Variants in C4orf50 observed in about 807,000 individuals in gnomAD.
The protein encoded by C4orf50 is uncharacterized protein C4orf50.
In C4orf50, 80 loss-of-function variants were observed where a neutral mutation model predicts 77.2. The observed-to-expected ratio is 1.04, with a 90% CI of 0.87 to 1.25. The LOEUF is 1.25. Among genes scored for constraint, C4orf50 ranks in the 50% most tolerant of loss-of-function variants. The pLI, the probability that C4orf50 is intolerant of heterozygous loss-of-function variation, is 0.00. For missense variants in C4orf50, 1,257 were observed against 1,152.9 expected (o/e 1.09, Z -1.31); for synonymous variants, 532 against 465.3 (o/e 1.14, Z -1.84).
In C4orf50 at chr4:6,000,961, T is replaced by C. The variant is rs1438132015; in HGVS notation, c.964-6485A>G. ...GTCCCCTCCAAGGGCAACCCATCGG[T>C]AAGTGGCAGGAGAGCCCACCTCCAC... On this transcript the variant is annotated intron_variant, in intron 25 of 33. Coordinates refer to ENST00000531445, the Ensembl canonical transcript of C4orf50. This position sits in a 1 kb window ranked among gnomAD's most constrained non-coding sequence, Gnocchi z 6.0. 6.6e-6 allele frequency among the ~76,000 whole-genome samples: 1 copy of C among 152,064 alleles called. No individual in the cohort carries two copies. The highest frequency in any genetic ancestry group is 6.6e-5 in the Admixed American group (1 of 15,254).
At chr4:6,003,102 C>T (rs576509769) in intron 25 of C4orf50, among the ~76,000 whole-genome samples, 5 of 152,310 alleles carry the variant, frequency 3.3e-5, no homozygotes, top group East Asian at 1.9e-4. Context: ...CCCAGACAGC[C>T]GTCCCCAGAT....
intron 28 of C4orf50, 151 bp downstream of exon 6, chr4:5,988,196 G>A (rs941138167): frequency 9.6e-7 from 1 of 1,036,400 alleles, no homozygotes; most frequent in African/African-American, 1.6e-5. Context: ...GCATTTCTCT[G>A]TTTTCTTTGT....
intron 26 of C4orf50, among the ~76,000 whole-genome samples, chr4:5,993,221 C>T (rs1721392543): frequency 6.6e-6 from 1 of 152,204 alleles, no homozygotes; most frequent in African/African-American, 2.4e-5. Flanking sequence ...CCTTTCTAAG[C>T]CTCAGCATCC....
intron 29 of C4orf50, among the ~76,000 whole-genome samples, chr4:5,976,464 A>G (rs1428732032): frequency 3.2e-5 from 4 of 123,596 alleles, no homozygotes; most frequent in Non-Finnish European, 5.9e-5. Context: ...TCGGAAAAAA[A>G]AAAAAAAAAA....
intron 7 of C4orf50, among the ~76,000 whole-genome samples, chr4:5,951,907 C>T (rs768249505): frequency 2.6e-5 from 4 of 152,154 alleles, no homozygotes; most frequent in Non-Finnish European, 5.9e-5. Flanking sequence ...TCCCTCTCCT[C>T]CTCTGCTCTT....
At chr4:6,001,241 A>G (rs903747645) in intron 25 of C4orf50, among the ~76,000 whole-genome samples, 2 of 152,076 alleles carry the variant, frequency 1.3e-5, no homozygotes, top group African/African-American at 2.4e-5. Context: ...CTCTGCCCCC[A>G]AGAGTTCAAG....
intron 31 of C4orf50, among the ~76,000 whole-genome samples, chr4:5,968,509 G>C (rs1228850147): frequency 1.3e-5 from 2 of 152,166 alleles, no homozygotes; most frequent in African/African-American, 4.8e-5. Flanking sequence ...GCACTTTGCT[G>C]TCACCCTTTC....
Position 5,919,629 on chromosome 4 carries a change from C to T in C4orf50, c.*2475-21441G>A, listed in dbSNP as rs1002019794. On this transcript the variant is annotated intron_variant, in intron 7 of 7. Transcript: ENST00000324058. The surrounding 1 kb of genome is among the most constrained non-coding windows in gnomAD (Gnocchi z 6.5). ...AACCACCCTGACCCCAAGGCATTAA[C>T]CCCAGGTCAGCAAACGCCACACTGA... Among the ~76,000 whole-genome samples, 3 of 152,182 alleles carry T rather than the reference C, an allele frequency of 2.0e-5. No homozygotes were observed. The highest frequency in any genetic ancestry group is 7.2e-5 in the African/African-American group (3 of 41,444).
At chr4:5,965,068 C>G (rs767254847) in exon 33 of C4orf50, 1 of 1,613,630 alleles carries the variant, frequency 6.2e-7, no homozygotes, top group Non-Finnish European at 8.5e-7. Context: ...CACTCCGGCT[C>G]GGGAATAGGC....
rs1207880236 is a variant in C4orf50, at chr4:5,900,382, T to C, written c.*2475-2194A>G. On this transcript the variant is annotated intron_variant, in intron 7 of 7. Coordinates refer to the C4orf50 transcript ENST00000324058. The surrounding 1 kb of genome is among the most constrained non-coding windows in gnomAD (Gnocchi z 4.3). The stretch of plus-strand genomic sequence containing the variant: ...GGTGCTTGATTTCACACCGAGAAAC[T>C]AGGTAAGGAAGGCTACGGAAGGGTG... 1.3e-5 allele frequency: 2 copies of C among 150,480 alleles called. No individual in the cohort carries two copies. The highest frequency in any genetic ancestry group is 4.9e-5 in the African/African-American group (2 of 40,822). The allele number at this position is 150,480 out of a possible 1,614,324, so 9.3% of individuals were successfully genotyped here.
Position 5,958,198 on chromosome 4 carries a change from C to A in C4orf50, c.*1177G>T, listed in dbSNP as rs17762652. ...AGGGTCTGGTGTGTGTCGTCCAAGC[C>A]CCCTAGACTCTCTTTTTGGGGGGCT... On this transcript the variant is annotated 3_prime_UTR_variant, in exon 34 of 34. Coordinates refer to ENST00000531445, the Ensembl canonical transcript of C4orf50. The surrounding 1 kb of genome is among the most constrained non-coding windows in gnomAD (Gnocchi z 5.4). 6.6e-6 allele frequency: 1 copy of A among 151,870 alleles called. No individual in the cohort carries two copies. Among genetic ancestry groups the A allele is most frequent in the Non-Finnish European group, 1.5e-5 (1 of 68,020 alleles). The allele number at this position is 151,870 out of a possible 1,614,324, so 9.4% of individuals were successfully genotyped here.
At chr4:5,928,123 T>C (rs1717598241) in intron 7 of C4orf50, among the ~76,000 whole-genome samples, 3 of 152,162 alleles carry the variant, frequency 2.0e-5, no homozygotes, top group Admixed American at 6.5e-5. Flanking sequence ...CTATAAAGGG[T>C]AAATGTTCAT....
intron 7 of C4orf50, among the ~76,000 whole-genome samples, chr4:5,923,037 G>T (rs1333257317): frequency 6.6e-6 from 1 of 152,152 alleles, no homozygotes; most frequent in Non-Finnish European, 1.5e-5. Context: ...CTCCCTGGGA[G>T]CCCAAAGAAA....
rs1031331510 is a variant in C4orf50, at chr4:6,009,073, G to T, written c.427-541C>A. Among the ~76,000 whole-genome samples, 9 of 152,206 alleles carry T rather than the reference G, an allele frequency of 5.9e-5. No homozygotes were observed. The highest frequency in any genetic ancestry group is 1.9e-4 in the African/African-American group (8 of 41,436). On this transcript the variant is annotated intron_variant, in intron 24 of 33. Coordinates refer to ENST00000531445, the Ensembl canonical transcript of C4orf50. This position sits in a 1 kb window ranked among gnomAD's most constrained non-coding sequence, Gnocchi z 5.6. ...GGATACTCCACCTGGAGGGAGGTAC[G>T]TTACTAGCCTGAGAGACACTCAGGA...
chr4:5,948,960 C>CAAAAAAAAA (rs765201490), intron 7 of C4orf50, among the ~76,000 whole-genome samples: 1 of 87,126 alleles, frequency 1.1e-5, no homozygotes, highest in Non-Finnish European at 2.2e-5. Flanking sequence ...GACTCCATCT[C>CAAAAAAAAA]AAAAAAAAAA....
At chr4:5,976,648 T>C (rs1398506634) in intron 29 of C4orf50, among the ~76,000 whole-genome samples, 3 of 152,118 alleles carry the variant, frequency 2.0e-5, no homozygotes, top group African/African-American at 7.2e-5. Flanking sequence ...TGAGATCTTG[T>C]GCAAGACACT....
rs2108794091 is a variant in C4orf50 at position 5,992,662 on chromosome 4, CA to C, written c.1221+140del. The C allele has an allele frequency of 2.7e-6, 1 of 376,530 alleles. No individual in the cohort carries two copies. Among genetic ancestry groups the C allele is most frequent in the South Asian group, 1.5e-4 (1 of 6,802 alleles). 23.3% of individuals were successfully genotyped at this position (376,530 alleles called of 1,614,324 possible). On this transcript the variant is annotated intron_variant, in intron 27 of 33. Coordinates refer to ENST00000531445, the Ensembl canonical transcript of C4orf50. This position sits in a 1 kb window ranked among gnomAD's most constrained non-coding sequence, Gnocchi z 5.0. The stretch of plus-strand genomic sequence containing the variant: ...ATTTCCTCTCCTCAAATCTCTCTCT[CA>C]ACTACTTCCAGAATGTTCTCCCAGA...
chr4:5,945,179 C>T (rs903762266), intron 7 of C4orf50, among the ~76,000 whole-genome samples: 3 of 152,312 alleles, frequency 2.0e-5, no homozygotes, highest in African/African-American at 7.2e-5. Context: ...GCCCCCCAGT[C>T]CCCTCTGCAT....
chr4:5,956,190 AT>A (rs1718949725), downstream of C4orf50, among the ~76,000 whole-genome samples: 1 of 152,184 alleles, frequency 6.6e-6, no homozygotes. Flanking sequence ...CCACTCCAGG[AT>A]TACAGAAAGC....
Sources: allele counts gnomAD v4.1 joint callset (sites outside exome capture counted in the v4.1 genomes callset), GRCh38; gene constraint gnomAD v4.1.1; non-coding constraint Gnocchi (gnomAD v3.1); transcripts MANE v1.5; gene names NCBI Gene and HGNC (gene_info 2026-07-23, HGNC 2026-07-21).